Variants in ELP2 observed in about 807,000 individuals in gnomAD.
The protein encoded by ELP2 is elongator complex protein 2.
ELP2 carries 90 observed loss-of-function variants against 119.2 expected under a neutral mutation model. The ratio of observed to expected loss-of-function variants is 0.75; its 90% CI spans 0.64 to 0.90. ELP2 has a LOEUF of 0.90. Among genes scored for constraint, ELP2 ranks in the 40% least tolerant of loss-of-function variants. The pLI, the probability that ELP2 is intolerant of heterozygous loss-of-function variation, is 0.00. For missense variants in ELP2, 921 were observed against 967.8 expected (o/e 0.95, Z 0.64); for synonymous variants, 339 against 331.0 (o/e 1.02, Z -0.26).
At chr18:36,162,643 C>T (rs1349179844) in intron 17 of ELP2, among the ~76,000 whole-genome samples, 1 of 152,144 alleles carries the variant, frequency 6.6e-6, no homozygotes, top group East Asian at 1.9e-4. Context: ...AGACAATTGA[C>T]ATGCTGTGTT....
intron 5 of ELP2, among the ~76,000 whole-genome samples, chr18:36,140,513 A>T (rs912749583): frequency 6.6e-6 from 1 of 151,798 alleles, no homozygotes; most frequent in Admixed American, 6.6e-5. Context: ...CGCCCAGATA[A>T]TTTTTGTATT....
At chr18:36,143,278 C>T (rs2090095211) in intron 8 of ELP2, among the ~76,000 whole-genome samples, 2 of 151,992 alleles carry the variant, frequency 1.3e-5, no homozygotes, top group Admixed American at 6.6e-5. Context: ...CACCACCACG[C>T]CTGGCTAACT....
intron 1 of ELP2, among the ~76,000 whole-genome samples, chr18:36,132,613 G>T (rs934217521): frequency 6.6e-6 from 1 of 152,172 alleles, no homozygotes; most frequent in Non-Finnish European, 1.5e-5. Flanking sequence ...CAAGTGTGGG[G>T]TGAAGTTGGT....
At chr18:36,145,675 A>G (rs1389503765) in intron 9 of ELP2, among the ~76,000 whole-genome samples, 11 of 152,238 alleles carry the variant, frequency 7.2e-5, no homozygotes, top group African/African-American at 2.7e-4. Flanking sequence ...TTGCCTTTTT[A>G]GCTTACCGTG....
chr18:36,177,428 C>G lies in ELP2; in HGVS notation c.*2787C>G, dbSNP rs528970494. ...ACTGGAAGACAAATACTCTATGCTT[C>G]CATTTATGTGAAGTATCTAGAGCAG... is the stretch of plus-strand genomic sequence containing the variant. On this transcript the variant is annotated 3_prime_UTR_variant, in exon 22 of 22. Transcript: ENST00000358232. 2 of 152,256 alleles carry G rather than the reference C, an allele frequency of 1.3e-5. No individual in the cohort carries two copies. The highest frequency in any genetic ancestry group is 3.9e-4 in the East Asian group (2 of 5,184). The allele number at this position is 152,256 out of a possible 1,614,324, so 9.4% of individuals were successfully genotyped here. A position where few individuals can be genotyped will look rare whatever the true frequency, so the allele number is the denominator to read the frequency against.
intron 8 of ELP2, among the ~76,000 whole-genome samples, chr18:36,143,647 T>C (rs2090111517): frequency 6.7e-6 from 1 of 148,328 alleles, no homozygotes. Context: ...TCCTTCCACC[T>C]TGGTATCCTA....
chr18:36,146,020 A>T lies in ELP2; in HGVS notation c.965A>T (p.Asp322Val). Residue 322 changes from aspartate to valine, a missense_variant, in exon 10 of 22, where the codon GAT becomes GTT. By Grantham distance (152) the Asp-to-Val change is radical. Coordinates refer to ENST00000358232, the MANE Select transcript of ELP2 (RefSeq NM_018255.4). ...MDKTMILWAP[D>V]EESGVWLEQV... is the part of the protein sequence containing the mutation. ...AAAACCATGATTCTCTGGGCTCCAG[A>T]TGAAGAGTCAGGAGTTTGGCTAGAA... is the stretch of plus-strand genomic sequence containing the variant. The T allele has an allele frequency of 6.2e-7, 1 of 1,614,060 alleles. No individual in the cohort carries two copies. The highest frequency in any genetic ancestry group is 8.5e-7 in the Non-Finnish European group (1 of 1,179,922).
intron 11 of ELP2, among the ~76,000 whole-genome samples, chr18:36,150,165 T>C (rs1420129709): frequency 6.6e-6 from 1 of 152,222 alleles, no homozygotes; most frequent in African/African-American, 2.4e-5. Flanking sequence ...GAGTCTGCCC[T>C]GTAGCCATCA....
At chr18:36,141,091 G>A (rs2090007512) in intron 5 of ELP2, 46 bp from the exon 6 acceptor site, 1 of 1,456,822 alleles carries the variant, frequency 6.9e-7, no homozygotes, top group Non-Finnish European at 9.6e-7. Context: ...ATCATAACGT[G>A]GTGGAATAGA....
intron 14 of ELP2, 34 bp from the exon 15 acceptor site, chr18:36,159,701 G>T (rs146436957): frequency 6.8e-7 from 1 of 1,480,690 alleles, no homozygotes; most frequent in South Asian, 1.1e-5. Flanking sequence ...TATAAAAATA[G>T]TGACTATATT....
At chr18:36,140,752 A>G (rs1567981712) in intron 5 of ELP2, among the ~76,000 whole-genome samples, 2 of 152,218 alleles carry the variant, frequency 1.3e-5, no homozygotes, top group Non-Finnish European at 2.9e-5. Context: ...TGCATTAGCC[A>G]TGTTGGTAGG....
intron 2 of ELP2, among the ~76,000 whole-genome samples, chr18:36,134,408 A>G (rs1222098236): frequency 6.6e-6 from 1 of 152,222 alleles, no homozygotes; most frequent in Non-Finnish European, 1.5e-5. Flanking sequence ...TTCTAATAAA[A>G]TCATATGTTA....
chr18:36,155,024 A>G (rs376344375), intron 12 of ELP2, 25 bp downstream of exon 12: 323 of 1,583,802 alleles, frequency 2.0e-4, no homozygotes, highest in Non-Finnish European at 2.5e-4. Flanking sequence ...TTATTTATTT[A>G]TTTTTTCTTG....
intron 9 of ELP2, chr18:36,145,386 C>T: frequency 3.1e-6 from 1 of 322,356 alleles, no homozygotes; most frequent in South Asian, 2.8e-5. Flanking sequence ...AAAGTTGGTA[C>T]CACTGAAATA....
intron 12 of ELP2, among the ~76,000 whole-genome samples, chr18:36,155,280 C>A (rs2090538482): frequency 6.7e-6 from 1 of 150,144 alleles, no homozygotes; most frequent in Non-Finnish European, 1.5e-5. Context: ...CCCCCCGCCT[C>A]CCAAAGTGCT....
intron 2 of ELP2, among the ~76,000 whole-genome samples, chr18:36,134,245 C>T (rs2089747813): frequency 6.6e-6 from 1 of 152,028 alleles, no homozygotes; most frequent in Admixed American, 6.6e-5. Flanking sequence ...GTTTGTAAGA[C>T]CTATGAGATC....
rs369493999 is a variant in ELP2, at chr18:36,159,821, A to G, written c.1621A>G (p.Ile541Val). 1.3e-5 allele frequency: 21 copies of G among 1,613,662 alleles called. No homozygotes were observed. Among genetic ancestry groups the G allele is most frequent in the Non-Finnish European group, 1.7e-5 (20 of 1,179,714 alleles). The change falls in exon 15 of 22, where the codon ATA (isoleucine) becomes GTA (valine). Residue 541 changes from isoleucine to valine, a missense_variant. Physicochemically the swap from Ile to Val is conservative, Grantham distance 29. Transcript: ENST00000358232. ...EYQQVAFQPS[I>V]LTEPPTEDHL... ...TCAGCAGGTGGCCTTTCAGCCCTCC[A>G]TACTTACTGGTAAGATGTGACAAAG...
intron 17 of ELP2, among the ~76,000 whole-genome samples, chr18:36,161,210 T>G (rs961739236): frequency 1.3e-5 from 2 of 152,174 alleles, no homozygotes; most frequent in African/African-American, 4.8e-5. Flanking sequence ...CTGCACATTT[T>G]GAGTTTATCT....
In ELP2 at chr18:36,176,090, G is replaced by A. The variant is rs1047371767; in HGVS notation, c.*1449G>A. The A allele has an allele frequency of 2.6e-5, 4 of 151,778 alleles. No individual in the cohort carries two copies. Among genetic ancestry groups the A allele is most frequent in the African/African-American group, 9.7e-5 (4 of 41,266 alleles). The allele number at this position is 151,778 out of a possible 1,614,324, so 9.4% of individuals were successfully genotyped here. A position where few individuals can be genotyped will look rare whatever the true frequency, so the allele number is the denominator to read the frequency against. On this transcript the variant is annotated 3_prime_UTR_variant, in exon 22 of 22. Transcript: ENST00000358232. ...TTTAATGACATATTTCCTTTAATACGGTATATCCAAAATATTATTATGTCA... is the reference window on the plus strand; with the variant it reads ...TTTAATGACATATTTCCTTTAATACAGTATATCCAAAATATTATTATGTCA...
Sources: gnomAD v4.1 joint callset for allele counts (sites outside exome capture counted in the v4.1 genomes callset) on GRCh38, gnomAD v4.1.1 for gene constraint, MANE v1.5 for transcripts, NCBI Gene and HGNC (gene_info 2026-07-23, HGNC 2026-07-21) for gene names.